Variants in JAKMIP2 observed in about 807,000 individuals in gnomAD.
JAKMIP2 encodes the protein janus kinase and microtubule interacting protein 2.
Under a neutral mutation model 115.0 loss-of-function variants are expected in JAKMIP2, and 25 were observed. The ratio of observed to expected loss-of-function variants is 0.22; its 90% CI spans 0.16 to 0.30. The LOEUF (loss-of-function observed/expected upper bound fraction) is 0.30, where lower values mean the gene tolerates loss of function less well. Ranked by LOEUF, JAKMIP2 falls within the 10% of genes least tolerant of loss-of-function variation. The pLI is 1.00. For synonymous variants in JAKMIP2, 334 were observed against 343.6 expected (o/e 0.97, Z 0.31); for missense variants, 642 against 957.6 (o/e 0.67, Z 4.35).
chr5:147,738,041 G>A (rs1467270238), intron 1 of JAKMIP2, among the ~76,000 whole-genome samples: 1 of 151,994 alleles, frequency 6.6e-6, no homozygotes, highest in African/African-American at 2.4e-5. Context: ...AACAAAAGCA[G>A]CTCAACTGTG....
In JAKMIP2 at chr5:147,621,530, C is replaced by G. The variant is rs1448172247; in HGVS notation, c.2065-787G>C. Among the ~76,000 whole-genome samples, 3 of 152,120 alleles carry G rather than the reference C, an allele frequency of 2.0e-5. No homozygotes were observed. In the East Asian group the frequency reaches 5.8e-4, roughly 29 times the overall value. On this transcript the variant is annotated intron_variant, in intron 17 of 21. Coordinates refer to ENST00000616793, the MANE Select transcript of JAKMIP2 (RefSeq NM_001270941.2). ...TGACTTTGCTGGTGACTGCTGAATT[C>G]CAGTACCTAGAACAGTGCCTGATAC...
intron 1 of JAKMIP2, among the ~76,000 whole-genome samples, chr5:147,753,293 T>C (rs1222912530): frequency 1.3e-5 from 2 of 152,230 alleles, no homozygotes; most frequent in Non-Finnish European, 2.9e-5. Context: ...GTTACATTAC[T>C]TAATCTTTTC....
intron 1 of JAKMIP2, among the ~76,000 whole-genome samples, chr5:147,744,986 A>AG (rs1233687606): frequency 3.4e-5 from 5 of 148,996 alleles, no homozygotes; most frequent in Non-Finnish European, 7.4e-5. Flanking sequence ...TGAACCGGGG[A>AG]GGCAGATGTT....
chr5:147,718,175 C>G (rs927278167), intron 1 of JAKMIP2, among the ~76,000 whole-genome samples: 2 of 151,104 alleles, frequency 1.3e-5, no homozygotes, highest in African/African-American at 4.9e-5. Context: ...ATTGAACCAG[C>G]CTTGCATCCC....
At chr5:147,682,234 T>C (rs921565815) in intron 1 of JAKMIP2, among the ~76,000 whole-genome samples, 1 of 151,966 alleles carries the variant, frequency 6.6e-6, no homozygotes, top group Non-Finnish European at 1.5e-5. Context: ...GGCAAAAGTT[T>C]TGTGAGTGAA....
chr5:147,607,368 G>C (rs1405363093), intron 20 of JAKMIP2, among the ~76,000 whole-genome samples: 1 of 152,142 alleles, frequency 6.6e-6, no homozygotes, highest in Non-Finnish European at 1.5e-5. Flanking sequence ...AGTTTATTGA[G>C]TGTTTTTAGC....
intron 20 of JAKMIP2, among the ~76,000 whole-genome samples, chr5:147,603,141 G>A (rs745707540): frequency 9.2e-5 from 14 of 152,252 alleles, no homozygotes; most frequent in African/African-American, 2.2e-4. Context: ...AATCCCTGCC[G>A]TGTGGTGGGC....
At chr5:147,666,108 T>G (rs72835139) in intron 2 of JAKMIP2, among the ~76,000 whole-genome samples, 8,817 of 152,240 alleles carry the variant, frequency 0.058, 313 homozygotes, top group South Asian at 0.094. Context: ...TTGGTTGTCA[T>G]GAAAACTGAC....
chr5:147,782,567 C>T lies in JAKMIP2; in HGVS notation c.-260G>A. 2 of 1,210,948 alleles carry T rather than the reference C, an allele frequency of 1.7e-6. No homozygotes were observed. Among genetic ancestry groups the T allele is most frequent in the Non-Finnish European group, 2.3e-6 (2 of 853,196 alleles). The allele number at this position is 1,210,948 out of a possible 1,614,324, so 75.0% of individuals were successfully genotyped here. ...CGAACCCAACATCAGCAGTGGCTGC[C>T]GGTTTTTTTTTTCCCTCTGTCTCTG... On this transcript the variant is annotated 5_prime_UTR_variant, in exon 1 of 22. Coordinates refer to ENST00000616793, the MANE Select transcript of JAKMIP2 (RefSeq NM_001270941.2).
chr5:147,715,544 A>AAAAAAG (rs1244094679), intron 1 of JAKMIP2, among the ~76,000 whole-genome samples: 1 of 151,472 alleles, frequency 6.6e-6, no homozygotes, highest in Non-Finnish European at 1.5e-5. Flanking sequence ...AATACTAGAA[A>AAAAAAG]AAAAAGATTT....
At chr5:147,701,098 A>T (rs965967203) in intron 1 of JAKMIP2, among the ~76,000 whole-genome samples, 1 of 152,188 alleles carries the variant, frequency 6.6e-6, no homozygotes, top group Non-Finnish European at 1.5e-5. Context: ...AAATATGCTG[A>T]AGACCAATGC....
At chr5:147,601,908 A>C (rs1338871358) in intron 20 of JAKMIP2, 97 bp from the exon 21 acceptor site, 8 of 601,240 alleles carry the variant, frequency 1.3e-5, no homozygotes, top group Non-Finnish European at 2.4e-5. Flanking sequence ...CTCAAGTCTA[A>C]TCACTTCACA....
At chr5:147,691,312 G>C (rs200825401) in intron 1 of JAKMIP2, among the ~76,000 whole-genome samples, 1 of 151,924 alleles carries the variant, frequency 6.6e-6, no homozygotes, top group South Asian at 2.1e-4. Flanking sequence ...CCTCCTCCAC[G>C]GTACACAGAC....
chr5:147,782,377 A>T (rs1000415246), intron 1 of JAKMIP2, 79 bp downstream of exon 1: 32 of 1,407,300 alleles, frequency 2.3e-5, no homozygotes, highest in Non-Finnish European at 3.1e-5. Context: ...TCATTGTTCA[A>T]GTTCAGGCCA....
chr5:147,660,439 G>T, intron 3 of JAKMIP2: 1 of 452,214 alleles, frequency 2.2e-6, no homozygotes, highest in Non-Finnish European at 4.4e-6. Flanking sequence ...TTATCATTTT[G>T]TATCTTTTTT....
chr5:147,602,773 C>T (rs757803718), intron 20 of JAKMIP2, among the ~76,000 whole-genome samples: 14 of 152,154 alleles, frequency 9.2e-5, no homozygotes, highest in Non-Finnish European at 1.5e-4. Flanking sequence ...CAGGAACATA[C>T]CGTTGGACAC....
intron 1 of JAKMIP2, among the ~76,000 whole-genome samples, chr5:147,774,436 C>T (rs1053498747): frequency 3.9e-4 from 60 of 152,076 alleles, no homozygotes; most frequent in Non-Finnish European, 8.8e-4. Context: ...TATAAATTCT[C>T]CAAATTGGTT....
chr5:147,600,693 G>A (rs1371704995), intron 21 of JAKMIP2, among the ~76,000 whole-genome samples: 1 of 151,946 alleles, frequency 6.6e-6, no homozygotes, highest in East Asian at 1.9e-4. Context: ...ACCAGTCCTT[G>A]CTCTCATCTC....
chr5:147,640,642 C>T (rs1268995358), intron 9 of JAKMIP2, 62 bp downstream of exon 9: 9 of 1,556,520 alleles, frequency 5.8e-6, no homozygotes, highest in Non-Finnish European at 7.9e-6. Flanking sequence ...CCTTTTTCTT[C>T]CCCCTTAAAT....
Sources: allele counts gnomAD v4.1 joint callset (sites outside exome capture counted in the v4.1 genomes callset), GRCh38; gene constraint gnomAD v4.1.1; transcripts MANE v1.5; gene names NCBI Gene and HGNC (gene_info 2026-07-23, HGNC 2026-07-21).